NXPE2: variants seen among roughly 807,000 people sequenced by gnomAD.
The protein encoded by NXPE2 is neurexophilin and PC-esterase domain family member 2.
NXPE2 carries 34 observed loss-of-function variants against 34.4 expected under a neutral mutation model. The observed-to-expected ratio is 0.99, with a 90% CI of 0.75 to 1.31. The LOEUF (loss-of-function observed/expected upper bound fraction) is 1.31. Among genes scored for constraint, NXPE2 ranks in the 40% most tolerant of loss-of-function variants. The pLI is 0.00. For missense variants in NXPE2, 649 were observed against 672.5 expected (o/e 0.97, Z 0.39); for synonymous variants, 235 against 231.3 (o/e 1.02, Z -0.15).
chr11:114,662,935 G>A, the NXPE2 span, among the ~76,000 whole-genome samples: 2 of 152,154 alleles, frequency 1.3e-5, no homozygotes, highest in Non-Finnish European at 2.9e-5. Context: ...GTGAGCCTAT[G>A]AGGCTTGCTC....
chr11:114,501,136 C>A, the NXPE2 span, among the ~76,000 whole-genome samples: 1 of 152,196 alleles, frequency 6.6e-6, no homozygotes, highest in East Asian at 1.9e-4. Context: ...TAGGAATGTC[C>A]ATCCTTTAAA....
chr11:114,794,863 C>A, the NXPE2 span, among the ~76,000 whole-genome samples: 1 of 143,454 alleles, frequency 7.0e-6, no homozygotes, highest in Admixed American at 7.1e-5. Flanking sequence ...CCCCCCCAAC[C>A]CCATCCTGAG....
At chr11:114,481,141 T>G in the NXPE2 span, among the ~76,000 whole-genome samples, 1 of 152,312 alleles carries the variant, frequency 6.6e-6, no homozygotes, top group Middle Eastern at 3.4e-3. Flanking sequence ...CCTAGCTTAG[T>G]GTGGGGCAGT....
chr11:114,775,587 G>A, the NXPE2 span, among the ~76,000 whole-genome samples: 1 of 152,334 alleles, frequency 6.6e-6, no homozygotes, highest in South Asian at 2.1e-4. Flanking sequence ...AAGGTGAATA[G>A]CGCCTGGCAT....
At chr11:114,634,521 G>GA in the NXPE2 span, among the ~76,000 whole-genome samples, 1 of 152,016 alleles carries the variant, frequency 6.6e-6, no homozygotes, top group African/African-American at 2.4e-5. Context: ...TGGTGTTTTA[G>GA]ACATGAAGTC....
At chr11:114,555,732 C>G in the NXPE2 span, among the ~76,000 whole-genome samples, 1 of 152,168 alleles carries the variant, frequency 6.6e-6, no homozygotes, top group Non-Finnish European at 1.5e-5. Context: ...TTTGGCACTA[C>G]AGATGAGATT....
At chr11:114,626,272 C>A in the NXPE2 span, among the ~76,000 whole-genome samples, 1 of 152,236 alleles carries the variant, frequency 6.6e-6, no homozygotes, top group Non-Finnish European at 1.5e-5. Context: ...ACTTAAATGT[C>A]CCAGTCTGAC....
chr11:114,623,834 T>C, the NXPE2 span, among the ~76,000 whole-genome samples: 1 of 150,772 alleles, frequency 6.6e-6, no homozygotes. Flanking sequence ...CACTGTTACC[T>C]GGTGGATAAT....
the NXPE2 span, among the ~76,000 whole-genome samples, chr11:114,745,867 C>T: frequency 1.1e-4 from 16 of 151,752 alleles, no homozygotes; most frequent in Non-Finnish European, 2.2e-4. Context: ...TGTGTAGGGA[C>T]GATGGAACAG....
At chr11:114,759,030 TCACACCCACACTCCACAG>T in the NXPE2 span, among the ~76,000 whole-genome samples, 1 of 151,996 alleles carries the variant, frequency 6.6e-6, no homozygotes, top group Non-Finnish European at 1.5e-5. Context: ...CATCCTACAC[TCACACCCACACTCCACAG>T]CACACACACA....
chr11:114,584,900 C>T, the NXPE2 span, among the ~76,000 whole-genome samples: 1 of 152,168 alleles, frequency 6.6e-6, no homozygotes, highest in African/African-American at 2.4e-5. Context: ...TGCCACCTAT[C>T]CCTCTGCAGG....
the NXPE2 span, among the ~76,000 whole-genome samples, chr11:114,587,050 A>C: frequency 1.3e-5 from 2 of 152,232 alleles, no homozygotes; most frequent in South Asian, 4.2e-4. Flanking sequence ...GTGGAACGGG[A>C]ACCCTATTCC....
At chr11:114,635,099 T>G in the NXPE2 span, among the ~76,000 whole-genome samples, 1 of 151,780 alleles carries the variant, frequency 6.6e-6, no homozygotes, top group Non-Finnish European at 1.5e-5. Flanking sequence ...CCCATGAGCA[T>G]GGAATGTTCT....
At chr11:114,574,265 G>T in the NXPE2 span, among the ~76,000 whole-genome samples, 2 of 151,808 alleles carry the variant, frequency 1.3e-5, no homozygotes, top group Non-Finnish European at 2.9e-5. Flanking sequence ...GTCTGAGAGG[G>T]CACAAATAGA....
chr11:114,575,253 T>C, the NXPE2 span, among the ~76,000 whole-genome samples: 3 of 151,940 alleles, frequency 2.0e-5, no homozygotes, highest in Non-Finnish European at 4.4e-5. Flanking sequence ...TGGGGAAAAG[T>C]TGAAAGCATT....
intron 2 of NXPE2, among the ~76,000 whole-genome samples, chr11:114,682,841 T>C (rs991499655): frequency 1.4e-5 from 2 of 140,824 alleles, no homozygotes; most frequent in African/African-American, 5.2e-5. Context: ...AAACAGAACC[T>C]GAGGAGGAAA....
chr11:114,467,975 C>T, the NXPE2 span, among the ~76,000 whole-genome samples: 79 of 151,720 alleles, frequency 5.2e-4, no homozygotes, highest in African/African-American at 1.8e-3. Context: ...AAACAGATCC[C>T]TAAGAAATAA....
At chr11:114,739,337 TTCCCCCCTTC>T in the NXPE2 span, among the ~76,000 whole-genome samples, 6 of 37,458 alleles carry the variant, frequency 1.6e-4, no homozygotes, top group Admixed American at 1.9e-3. Context: ...CCTTCCTTCC[TTCCCCCCTTC>T]CTCTCTCCCT....
chr11:114,802,556 T>C, the NXPE2 span, among the ~76,000 whole-genome samples: 1 of 152,214 alleles, frequency 6.6e-6, no homozygotes, highest in African/African-American at 2.4e-5. Context: ...TGGACTTTCT[T>C]ATTAGAGGAA....
Sources: gnomAD v4.1 joint callset for allele counts (sites outside exome capture counted in the v4.1 genomes callset) on GRCh38, gnomAD v4.1.1 for gene constraint, MANE v1.5 for transcripts, NCBI Gene and HGNC (gene_info 2026-07-23, HGNC 2026-07-21) for gene names.